LPA: variants seen among roughly 807,000 people sequenced by gnomAD.
LPA encodes the protein apolipoprotein(a).
LPA carries 199 observed loss-of-function variants against 197.9 expected under a neutral mutation model. That is an observed-to-expected ratio of 1.01 (90% CI 0.90 to 1.13). The LOEUF is 1.13. Among genes scored for constraint, LPA ranks in the 50% most tolerant of loss-of-function variants. The pLI is 0.00. For missense variants in LPA, 1,853 were observed against 1,785.8 expected (o/e 1.04, Z -0.68); for synonymous variants, 715 against 639.5 (o/e 1.12, Z -1.78).
chr6:160,660,673 C>T (rs1028642799), intron 1 of LPA, among the ~76,000 whole-genome samples: 1 of 152,024 alleles, frequency 6.6e-6, no homozygotes, highest in Non-Finnish European at 1.5e-5. Flanking sequence ...TCTGAATGGT[C>T]CCTCCTTTAG....
rs1777883792 is a variant in LPA at position 160,535,666 on chromosome 6, A to T, written c.5842+2189T>A. Among the ~76,000 whole-genome samples, 7 of 142,996 alleles carry T rather than the reference A, an allele frequency of 4.9e-5. No homozygotes were observed. The Admixed American group carries it at 5.0e-4, about 10-fold the overall frequency. The allele number at this position is 142,996 out of a possible 152,430, so 93.8% of individuals were successfully genotyped here. A position where few individuals can be genotyped will look rare whatever the true frequency, so the allele number is the denominator to read the frequency against. ...TGGTGATGGTGATGGTAGTGCCAGT[A>T]AGAATGATGATAGTGGTGGCGATGA... On this transcript the variant is annotated intron_variant, in intron 37 of 38. Coordinates refer to ENST00000316300, the MANE Select transcript of LPA (RefSeq NM_005577.4).
chr6:160,567,985 A>G (rs1778490030), intron 28 of LPA, among the ~76,000 whole-genome samples: 2 of 152,258 alleles, frequency 1.3e-5, no homozygotes, highest in South Asian at 2.1e-4. Context: ...ACAGGCTCTG[A>G]AATTGAGGCA....
At chr6:160,654,093 TATATA>T (rs1477790186) in intron 1 of LPA, among the ~76,000 whole-genome samples, 18 of 60,174 alleles carry the variant, frequency 3.0e-4, no homozygotes, top group Non-Finnish European at 5.1e-4. Flanking sequence ...ATATATATTA[TATATA>T]ATATAATATA....
chr6:160,587,440 G>A (rs1188712190), intron 24 of LPA, among the ~76,000 whole-genome samples: 1 of 152,134 alleles, frequency 6.6e-6, no homozygotes, highest in Non-Finnish European at 1.5e-5. Context: ...ATCAACAGCT[G>A]TCAAAGCTGT....
In LPA at chr6:160,578,567, G is replaced by T. The variant is rs1562328954; in HGVS notation, c.4427C>A (p.Pro1476His). Residue 1476 changes from proline (P) to histidine (H), a missense_variant, in exon 27 of 39, where the codon CCC becomes CAC. Physicochemically the swap from Pro to His is moderately conservative, Grantham distance 77. Transcript: ENST00000316300. ...TGTGCTTGGAACCGGGGCCACTGTG[G>T]GAGTTGTGAGGACACTCGATTCTGT... ...PVTESSVLTT[P>H]TVAPVPSTEA... 1.2e-6 allele frequency: 2 copies of T among 1,613,890 alleles called. No individual in the cohort carries two copies. The highest frequency in any genetic ancestry group is 1.7e-6 in the Non-Finnish European group (2 of 1,179,802).
chr6:160,647,568 G>C (rs1217989968), intron 2 of LPA, among the ~76,000 whole-genome samples: 1 of 151,956 alleles, frequency 6.6e-6, no homozygotes, highest in Non-Finnish European at 1.5e-5. Flanking sequence ...TTCTTCCTTG[G>C]CTTCCCTCTT....
At chr6:160,606,853 A>G (rs1779365383) in intron 16 of LPA, among the ~76,000 whole-genome samples, 195 bp from the exon 17 acceptor site, 4 of 152,132 alleles carry the variant, frequency 2.6e-5, no homozygotes, top group South Asian at 4.1e-4. Flanking sequence ...TACTTAAAAG[A>G]TTATTATTAT....
At chr6:160,564,945 C>G (rs188736966) in intron 28 of LPA, among the ~76,000 whole-genome samples, 2 of 152,162 alleles carry the variant, frequency 1.3e-5, no homozygotes, top group Admixed American at 1.3e-4. Context: ...AGTCTGAGAC[C>G]GAACTGCAAG....
intron 32 of LPA, among the ~76,000 whole-genome samples, chr6:160,545,817 G>A (rs1778060401): frequency 6.6e-6 from 1 of 152,114 alleles, no homozygotes; most frequent in South Asian, 2.1e-4. Context: ...CCCACTGGAG[G>A]TCTTAGAGCT....
At chr6:160,566,599 C>G (rs1269257188) in intron 28 of LPA, among the ~76,000 whole-genome samples, 1 of 152,120 alleles carries the variant, frequency 6.6e-6, no homozygotes, top group Admixed American at 6.6e-5. Flanking sequence ...AGCAAAATAA[C>G]CAGCGAACAT....
intron 30 of LPA, among the ~76,000 whole-genome samples, chr6:160,552,814 C>T (rs575185768): frequency 5.9e-5 from 9 of 152,246 alleles, no homozygotes; most frequent in Admixed American, 1.3e-4. Flanking sequence ...ATTTGTAATG[C>T]TTAATCCTTT....
In LPA at chr6:160,608,369, G is replaced by T. The variant is rs536750289; in HGVS notation, c.2604-1711C>A. The stretch of plus-strand genomic sequence containing the variant: ...TTTTATTGCTGGATTTAGCATTCTT[G>T]GTTGATCTCTTCTTGTTCCTGTTTA... On this transcript the variant is annotated intron_variant, in intron 16 of 38. Transcript: ENST00000316300. Among the ~76,000 whole-genome samples the T allele has an allele frequency of 2.4e-4, 36 of 152,212 alleles. No individual in the cohort carries two copies. The South Asian group carries it at 4.0e-3, about 17-fold the overall frequency.
intron 29 of LPA, 22 bp downstream of exon 29, chr6:160,557,368 T>C: frequency 6.2e-7 from 1 of 1,613,586 alleles, no homozygotes; most frequent in South Asian, 1.1e-5. Flanking sequence ...AATGTGTAGA[T>C]ATCTGGCCAC....
chr6:160,590,830 T>G, intron 23 of LPA, 114 bp downstream of exon 23: 1 of 1,428,212 alleles, frequency 7.0e-7, no homozygotes, highest in Non-Finnish European at 9.7e-7. Context: ...TGGCTGACCC[T>G]GAGTCCACAT....
rs140490555 is a variant in LPA, at chr6:160,559,639, T to C, written c.4632-2068A>G. ...ATCATTTTGATCTTCCACCAGCATA[T>C]GATAAGAGTTTTATAATCTACCTCC... On this transcript the variant is annotated intron_variant, in intron 28 of 38. Coordinates refer to ENST00000316300, the MANE Select transcript of LPA (RefSeq NM_005577.4). 4.3e-4 allele frequency among the ~76,000 whole-genome samples: 66 copies of C among 152,320 alleles called. No homozygotes were observed. The Middle Eastern group carries it at 0.01, about 24-fold the overall frequency.
intron 30 of LPA, among the ~76,000 whole-genome samples, chr6:160,555,499 G>T (rs532216563): frequency 7.0e-6 from 1 of 142,472 alleles, no homozygotes. Context: ...ATACTAGTCT[G>T]TATGAACATA....
chr6:160,550,196 G>A (rs899173757), intron 30 of LPA, among the ~76,000 whole-genome samples: 1 of 150,066 alleles, frequency 6.7e-6, no homozygotes, highest in Non-Finnish European at 1.5e-5. Flanking sequence ...ACTCCTGCCT[G>A]GCGACAGAGC....
Position 160,531,722 on chromosome 6 carries a change from C to T in LPA, c.*7G>A, listed in dbSNP as rs112038494. On this transcript the variant is annotated 3_prime_UTR_variant, in exon 39 of 39. Coordinates refer to ENST00000316300, the MANE Select transcript of LPA (RefSeq NM_005577.4). ...TAGGTTGATGCTTCACTCTGTCTCC[C>T]GTCCAATTAATTATTTCTCATCATT... The T allele has an allele frequency of 2.4e-5, 39 of 1,613,956 alleles. No homozygotes were observed. The highest frequency in any genetic ancestry group is 1.3e-4 in the African/African-American group (10 of 75,016).
At chr6:160,580,348 T>C (rs1033716988) in intron 26 of LPA, among the ~76,000 whole-genome samples, 4 of 152,228 alleles carry the variant, frequency 2.6e-5, no homozygotes, top group African/African-American at 9.6e-5. Context: ...TTTGAGTTTA[T>C]AAAACATAAA....
Sources: allele counts gnomAD v4.1 joint callset (sites outside exome capture counted in the v4.1 genomes callset), GRCh38; gene constraint gnomAD v4.1.1; transcripts MANE v1.5; gene names NCBI Gene and HGNC (gene_info 2026-07-23, HGNC 2026-07-21).